XPA: variants seen among roughly 807,000 people sequenced by gnomAD.
XPA encodes XPA, DNA damage recognition and repair factor.
A neutral mutation model predicts 35.7 loss-of-function variants in XPA; 27 were observed. The ratio of observed to expected loss-of-function variants is 0.76; its 90% confidence interval spans 0.56 to 1.04. The LOEUF is 1.04. Ranked by LOEUF, XPA falls within the 50% of genes least tolerant of loss-of-function variation. The probability of loss-of-function intolerance (pLI) is 0.00; values close to 1 mark genes in which losing one functional copy is unlikely to be tolerated. For missense variants in XPA, 354 were observed against 342.7 expected (o/e 1.03, Z -0.26); for synonymous variants, 133 against 118.4 (o/e 1.12, Z -0.80).
At chr9:97,692,247 C>T (rs555700265) in intron 2 of XPA, among the ~76,000 whole-genome samples, 1 of 151,132 alleles carries the variant, frequency 6.6e-6, no homozygotes, top group East Asian at 1.9e-4. Flanking sequence ...GCTGAGATCG[C>T]ACCATTACAC....
the XPA span, chr9:97,658,825 T>C: frequency 3.6e-6 from 4 of 1,123,630 alleles, no homozygotes; most frequent in East Asian, 2.4e-5. Flanking sequence ...AGTGGAGAAA[T>C]TGAACTTTTT....
chr9:97,689,674 T>C, intron 2 of XPA, 35 bp from the exon 3 acceptor site: 1 of 1,249,478 alleles, frequency 8.0e-7, no homozygotes, highest in Non-Finnish European at 1.2e-6. Context: ...GTTTCCTTTT[T>C]TATGACTAGA....
At position 97,675,998 on chromosome 9, in the gene XPA, G is replaced by C. The variant is rs201751428; in HGVS notation, c.674-411C>G. On this transcript the variant is annotated intron_variant, in intron 5 of 5. Coordinates refer to ENST00000375128, the MANE Select transcript of XPA (RefSeq NM_000380.4). ...GAAAAAGGAGTGTTTTTAAGTTCCT[G>C]TTAGGAGCTACGTCAATAAGCATCA... The C allele has an allele frequency of 9.2e-5, 20 of 217,116 alleles. No homozygotes were observed. The East Asian group carries it at 2.3e-3, about 25-fold the overall frequency. 13.4% of individuals were successfully genotyped at this position (217,116 alleles called of 1,614,324 possible).
At chr9:97,668,890 T>C in the XPA span, 2 of 1,613,820 alleles carry the variant, frequency 1.2e-6, no homozygotes, top group Non-Finnish European at 1.7e-6. Flanking sequence ...AAGACGGGGT[T>C]CTTGAGGAAC....
chr9:97,682,038 ACTTT>A, intron 5 of XPA, among the ~76,000 whole-genome samples: 1 of 145,614 alleles, frequency 6.9e-6, no homozygotes, highest in Middle Eastern at 3.4e-3. Flanking sequence ...ACAAGAAAAC[ACTTT>A]CTTGTCTTTC....
downstream of XPA, chr9:97,669,933 T>A: frequency 5.0e-6 from 2 of 399,226 alleles, no homozygotes; most frequent in Non-Finnish European, 8.8e-6. Flanking sequence ...CCGCCCCACC[T>A]TTTTTTTGAG....
chr9:97,659,049 G>A, the XPA span, among the ~76,000 whole-genome samples: 1 of 152,182 alleles, frequency 6.6e-6, no homozygotes, highest in Non-Finnish European at 1.5e-5. Context: ...TGGTGATGGA[G>A]GTTACTTGAA....
At chr9:97,695,768 A>T (rs1047728812) in intron 1 of XPA, among the ~76,000 whole-genome samples, 5 of 152,250 alleles carry the variant, frequency 3.3e-5, no homozygotes, top group Admixed American at 2.0e-4. Context: ...AGTGTCACAA[A>T]GATAAAAATC....
At chr9:97,690,281 G>A (rs1828846455) in intron 2 of XPA, among the ~76,000 whole-genome samples, 1 of 152,250 alleles carries the variant, frequency 6.6e-6, no homozygotes, top group African/African-American at 2.4e-5. Context: ...CACGATCTCA[G>A]CTCAGTGTAA....
At chr9:97,671,281 T>C (rs1459876705), downstream of XPA, 7 of 973,850 alleles carry the variant, frequency 7.2e-6, no homozygotes, top group Non-Finnish European at 1.1e-5. Context: ...GAATGCTTGC[T>C]TTCTTGTAGT....
chr9:97,662,691 C>T, the XPA span, among the ~76,000 whole-genome samples: 1 of 152,326 alleles, frequency 6.6e-6, no homozygotes, highest in African/African-American at 2.4e-5. Flanking sequence ...TGTTTGAAGA[C>T]AGTTCCTTAG....
downstream of XPA, chr9:97,670,973 C>T: frequency 3.5e-5 from 20 of 569,156 alleles, no homozygotes; most frequent in South Asian, 1.6e-4. Flanking sequence ...ACTTTTTTTT[C>T]CCCTTCCTCT....
At chr9:97,676,658 C>T (rs888676165) in intron 5 of XPA, among the ~76,000 whole-genome samples, 1 of 152,192 alleles carries the variant, frequency 6.6e-6, no homozygotes, top group African/African-American at 2.4e-5. Context: ...GTTCTTACCA[C>T]TTTAAATGCA....
At chr9:97,686,646 G>A (rs1260036476) in intron 4 of XPA, among the ~76,000 whole-genome samples, 1 of 152,078 alleles carries the variant, frequency 6.6e-6, no homozygotes, top group Non-Finnish European at 1.5e-5. Flanking sequence ...GCAAAATGAG[G>A]CCAGGCGTGG....
chr9:97,684,944 T>C lies in XPA; in HGVS notation c.652A>G (p.Lys218Glu). Residue 218 changes from lysine to glutamate, a missense_variant, in exon 5 of 6, where the codon AAA becomes GAA. Coordinates refer to ENST00000375128, the MANE Select transcript of XPA (RefSeq NM_000380.4). The stretch of plus-strand genomic sequence containing the variant: ...CTACCTTTTACTTTTTTATCAAATT[T>C]CTTCTGTTTCATTTTTTCTCGGTTT... ...QENREKMKQK[K>E]FDKKVKELRR... 1 of 1,613,618 alleles carries C rather than the reference T, an allele frequency of 6.2e-7. No homozygotes were observed. Among genetic ancestry groups the C allele is most frequent in the Non-Finnish European group, 8.5e-7 (1 of 1,179,678 alleles).
chr9:97,659,674 A>T, the XPA span, among the ~76,000 whole-genome samples: 2 of 152,186 alleles, frequency 1.3e-5, no homozygotes, highest in African/African-American at 4.8e-5. Flanking sequence ...TGGCAGATCA[A>T]AGGTTTATGC....
chr9:97,656,569 AAG>A, the XPA span, among the ~76,000 whole-genome samples: 1 of 152,200 alleles, frequency 6.6e-6, no homozygotes, highest in African/African-American at 2.4e-5. Context: ...TAAAATAAAA[AAG>A]GTGTTATATA....
chr9:97,662,354 G>A, the XPA span, among the ~76,000 whole-genome samples: 1 of 152,244 alleles, frequency 6.6e-6, no homozygotes, highest in Middle Eastern at 3.4e-3. Context: ...CATGGTAAGT[G>A]CTTTTTTTCA....
intron 4 of XPA, 122 bp downstream of exon 4, chr9:97,686,974 A>G: frequency 1.1e-6 from 1 of 916,962 alleles, no homozygotes; most frequent in Admixed American, 2.3e-5. Context: ...ACTGTGAAGC[A>G]TATGCAAAAC....
Sources: allele counts gnomAD v4.1 joint callset (sites outside exome capture counted in the v4.1 genomes callset), GRCh38; gene constraint gnomAD v4.1.1; transcripts MANE v1.5; gene names NCBI Gene and HGNC (gene_info 2026-07-23, HGNC 2026-07-21).